The following OSBPL9 variants were observed in gnomAD, a reference collection of about 807,000 sequenced individuals.
OSBPL9 encodes oxysterol binding protein like 9, also known as oxysterol-binding protein-related protein 9.
OSBPL9 carries 40 observed loss-of-function variants against 106.6 expected under a neutral mutation model. The observed-to-expected ratio is 0.38, with a 90% CI of 0.29 to 0.49. The LOEUF (loss-of-function observed/expected upper bound fraction) is 0.49. Among genes scored for constraint, OSBPL9 ranks in the 20% least tolerant of loss-of-function variants. OSBPL9 has a pLI of 0.97. For synonymous variants in OSBPL9, 269 were observed against 295.4 expected, an observed-to-expected ratio of 0.91 and a Z score of 0.92; for missense variants, 609 against 887.2, an observed-to-expected ratio of 0.69 and a Z score of 3.98.
chr1:51,677,848 T>C (rs976627200), intron 3 of OSBPL9, among the ~76,000 whole-genome samples: 10 of 152,000 alleles, frequency 6.6e-5, no homozygotes, highest in Non-Finnish European at 5.9e-5. Flanking sequence ...TGTGCCTGGC[T>C]ACAGAGAACA....
intron 2 of OSBPL9, among the ~76,000 whole-genome samples, chr1:51,602,230 G>A (rs1645328081): frequency 6.6e-6 from 1 of 150,754 alleles, no homozygotes; most frequent in Non-Finnish European, 1.5e-5. Flanking sequence ...CCGTGGTCTC[G>A]ATCTCCTGAC....
intron 2 of OSBPL9, among the ~76,000 whole-genome samples, chr1:51,600,653 A>T (rs565186696): frequency 6.6e-6 from 1 of 152,286 alleles, no homozygotes; most frequent in Admixed American, 6.5e-5. Flanking sequence ...GGGGCCAAGT[A>T]TTAACCTCAT....
At chr1:51,543,141 C>A in the OSBPL9 span, among the ~76,000 whole-genome samples, 1 of 152,154 alleles carries the variant, frequency 6.6e-6, no homozygotes, top group East Asian at 1.9e-4. Context: ...GAGAAATAAC[C>A]ATTTCTCCAA....
intron 4 of OSBPL9, among the ~76,000 whole-genome samples, chr1:51,714,648 C>T (rs1321105107): frequency 2.0e-5 from 3 of 152,174 alleles, no homozygotes; most frequent in South Asian, 2.1e-4. Flanking sequence ...GCTTCATTTT[C>T]GGTTAGGTTC....
At chr1:51,744,739 A>T (rs1388098509) in intron 4 of OSBPL9, among the ~76,000 whole-genome samples, 2 of 152,202 alleles carry the variant, frequency 1.3e-5, no homozygotes, top group African/African-American at 2.4e-5. Flanking sequence ...GGGCATGAAA[A>T]TGTGGCAGTC....
the OSBPL9 span, among the ~76,000 whole-genome samples, chr1:51,546,583 G>A: frequency 6.6e-6 from 1 of 151,924 alleles, no homozygotes; most frequent in Non-Finnish European, 1.5e-5. Flanking sequence ...TATAGTCCCA[G>A]CTACTCAGGA....
At chr1:51,534,827 C>A in the OSBPL9 span, among the ~76,000 whole-genome samples, 1 of 152,360 alleles carries the variant, frequency 6.6e-6, no homozygotes, top group African/African-American at 2.4e-5. Context: ...GGGCAAGCCC[C>A]TTCTCTCCTC....
intron 4 of OSBPL9, among the ~76,000 whole-genome samples, chr1:51,718,589 G>A (rs1323003400): frequency 2.0e-5 from 3 of 152,048 alleles, no homozygotes; most frequent in Admixed American, 2.0e-4. Flanking sequence ...CAGGGCCCCC[G>A]TTGTCTGATT....
intron 12 of OSBPL9, among the ~76,000 whole-genome samples, 162 bp downstream of exon 12, chr1:51,766,143 A>G (rs935072470): frequency 2.6e-5 from 4 of 152,226 alleles, no homozygotes; most frequent in Admixed American, 6.5e-5. Context: ...TTGATGTATA[A>G]TAGTTGTATG....
At chr1:51,775,728 A>G (rs951640144) in intron 14 of OSBPL9, among the ~76,000 whole-genome samples, 3 of 152,112 alleles carry the variant, frequency 2.0e-5, no homozygotes, top group Non-Finnish European at 4.4e-5. Context: ...CTCCTGCCTC[A>G]GCCTCTCGAG....
In OSBPL9 at chr1:51,645,796, C is replaced by CT. The variant is rs530968302; in HGVS notation, c.112-6187dup. Among the ~76,000 whole-genome samples the CT allele has an allele frequency of 1.5e-3, 235 of 151,884 alleles. 2 individuals are homozygous for CT. Among genetic ancestry groups the CT allele is most frequent in the African/African-American group, 5.5e-3 (227 of 41,450 alleles). ...AGGTCTTGGATCCATTTTGAGTTAA[C>CT]TTTTTTTTATGGCATAGGGTAGGTA... On this transcript the variant is annotated intron_variant, in intron 1 of 23. Transcript: ENST00000428468.
chr1:51,609,436 T>C (rs1643970239), intron 2 of OSBPL9, among the ~76,000 whole-genome samples: 1 of 150,868 alleles, frequency 6.6e-6, no homozygotes, highest in Non-Finnish European at 1.5e-5. Flanking sequence ...CTCAACCACC[T>C]GGGCTCAAGA....
chr1:51,540,934 A>G, the OSBPL9 span, among the ~76,000 whole-genome samples: 150 of 150,594 alleles, frequency 1.0e-3, no homozygotes, highest in Middle Eastern at 3.4e-3. Context: ...ACTCCAGCCT[A>G]GGCAACAGAA....
At chr1:51,743,383 A>G (rs1016151491) in intron 4 of OSBPL9, among the ~76,000 whole-genome samples, 1 of 152,214 alleles carries the variant, frequency 6.6e-6, no homozygotes, top group African/African-American at 2.4e-5. Context: ...AACATCAAAA[A>G]GTTGTTTCTG....
the OSBPL9 span, among the ~76,000 whole-genome samples, chr1:51,563,219 G>GAATA: frequency 2.4e-4 from 36 of 152,122 alleles, no homozygotes; most frequent in African/African-American, 8.7e-4. Context: ...CAAAATAAAT[G>GAATA]AATAAATAAA....
chr1:51,761,389 A>G (rs1472106978), intron 10 of OSBPL9, among the ~76,000 whole-genome samples: 1 of 151,982 alleles, frequency 6.6e-6, no homozygotes, highest in African/African-American at 2.4e-5. Flanking sequence ...TATGTTCTCG[A>G]TGGCATAGTG....
chr1:51,671,254 C>T (rs1649808649), intron 3 of OSBPL9, among the ~76,000 whole-genome samples: 1 of 152,028 alleles, frequency 6.6e-6, no homozygotes, highest in African/African-American at 2.4e-5. Flanking sequence ...ATTTCACATT[C>T]ATAGGTCCTT....
At chr1:51,695,437 A>G (rs1411795248) in intron 3 of OSBPL9, among the ~76,000 whole-genome samples, 5 of 152,160 alleles carry the variant, frequency 3.3e-5, no homozygotes, top group African/African-American at 1.2e-4. Flanking sequence ...GTTATTACAT[A>G]CCTTATTTCC....
the OSBPL9 span, among the ~76,000 whole-genome samples, chr1:51,540,735 A>G: frequency 2.0e-5 from 3 of 151,652 alleles, no homozygotes; most frequent in Non-Finnish European, 4.4e-5. Flanking sequence ...AAGGTGGGCA[A>G]ATCACTTGAG....
Sources: allele counts gnomAD v4.1 joint callset (sites outside exome capture counted in the v4.1 genomes callset), GRCh38; gene constraint gnomAD v4.1.1; transcripts MANE v1.5; gene names NCBI Gene and HGNC (gene_info 2026-07-23, HGNC 2026-07-21).